Variants in LIMS1 observed in about 807,000 individuals in gnomAD.
LIMS1 encodes LIM zinc finger domain containing 1.
LIMS1 carries 18 observed loss-of-function variants against 44.1 expected under a neutral mutation model. The ratio of observed to expected loss-of-function variants is 0.41; its 90% CI spans 0.28 to 0.61. The LOEUF is 0.61. LIMS1 is among the 20% of genes least tolerant of loss of function. LIMS1 has a pLI of 0.32. For missense variants in LIMS1, 201 were observed against 422.0 expected (o/e 0.48, Z 4.59); for synonymous variants, 93 against 149.1 (o/e 0.62, Z 2.74).
intron 1 of LIMS1, among the ~76,000 whole-genome samples, chr2:108,563,951 G>A (rs1327350325): frequency 2.0e-5 from 3 of 150,418 alleles, no homozygotes; most frequent in African/African-American, 4.9e-5. Context: ...AGCTACTTGG[G>A]AGGCTGAGGT....
chr2:108,587,139 T>C (rs2577605), intron 1 of LIMS1, among the ~76,000 whole-genome samples: 150,916 of 152,240 alleles, frequency 0.99, 74,809 homozygotes, highest in Middle Eastern at 1. Context: ...TGGATGTGCT[T>C]TTCCACTCTT....
At chr2:108,575,339 T>C (rs780438264) in intron 1 of LIMS1, among the ~76,000 whole-genome samples, 1 of 152,216 alleles carries the variant, frequency 6.6e-6, no homozygotes, top group Non-Finnish European at 1.5e-5. Context: ...GCAAAAGAGT[T>C]AGCCAACGTG....
chr2:108,617,318 C>G (rs1318481357), intron 1 of LIMS1, among the ~76,000 whole-genome samples: 2 of 152,136 alleles, frequency 1.3e-5, no homozygotes, highest in Non-Finnish European at 2.9e-5. Context: ...AAAATCCAGG[C>G]TAATTTTTTA....
At chr2:108,538,861 A>G (rs1684224589) in intron 1 of LIMS1, among the ~76,000 whole-genome samples, 1 of 152,108 alleles carries the variant, frequency 6.6e-6, no homozygotes, top group African/African-American at 2.4e-5. Flanking sequence ...ACCAGTAAAT[A>G]CCAACTCCCC....
At chr2:108,681,450 G>A (rs1229052933) in intron 9 of LIMS1, 17 of 973,734 alleles carry the variant, frequency 1.7e-5, no homozygotes, top group Non-Finnish European at 1.5e-5. Flanking sequence ...TGGATTTAAA[G>A]GGAAGAATTC....
chr2:108,599,619 T>G (rs1290341125), intron 1 of LIMS1, among the ~76,000 whole-genome samples: 1 of 152,228 alleles, frequency 6.6e-6, no homozygotes, highest in African/African-American at 2.4e-5. Flanking sequence ...TTCACAGTGA[T>G]TGTACTCATT....
At chr2:108,628,877 A>G (rs867961583) in intron 1 of LIMS1, among the ~76,000 whole-genome samples, 2 of 152,212 alleles carry the variant, frequency 1.3e-5, no homozygotes, top group Non-Finnish European at 1.5e-5. Context: ...CAGTGGCACA[A>G]TCTTTGCTCC....
chr2:108,625,586 C>T (rs532570630), intron 1 of LIMS1, among the ~76,000 whole-genome samples: 76 of 151,786 alleles, frequency 5.0e-4, no homozygotes, highest in Non-Finnish European at 9.9e-4. Flanking sequence ...ATCCCCCCCC[C>T]CAAAAAAATG....
At chr2:108,549,279 C>CTTTTTTTTTTTTTTTTTTT (rs71381966) in intron 1 of LIMS1, among the ~76,000 whole-genome samples, 1 of 55,784 alleles carries the variant, frequency 1.8e-5, no homozygotes, top group Non-Finnish European at 3.1e-5. Flanking sequence ...TAAAGTGTTT[C>CTTTTTTTTTTTTTTTTTTT]TTTTTTTTTT....
At chr2:108,668,828 A>G (rs1309033864) in intron 2 of LIMS1, among the ~76,000 whole-genome samples, 2 of 152,274 alleles carry the variant, frequency 1.3e-5, no homozygotes, top group Non-Finnish European at 2.9e-5. Flanking sequence ...CATCAGAAAT[A>G]TATCGTGCTT....
intron 1 of LIMS1, among the ~76,000 whole-genome samples, chr2:108,628,675 A>G (rs1338641780): frequency 2.0e-5 from 3 of 152,184 alleles, no homozygotes; most frequent in Admixed American, 1.3e-4. Flanking sequence ...CATGTTGGCC[A>G]GGCTGGTCTC....
chr2:108,633,175 A>G (rs1395760184), intron 1 of LIMS1, among the ~76,000 whole-genome samples: 1 of 152,044 alleles, frequency 6.6e-6, no homozygotes, highest in Non-Finnish European at 1.5e-5. Context: ...AATTCTTACT[A>G]ATTGATTTGG....
At chr2:108,568,453 C>T (rs924696695) in intron 1 of LIMS1, among the ~76,000 whole-genome samples, 1 of 152,174 alleles carries the variant, frequency 6.6e-6, no homozygotes, top group African/African-American at 2.4e-5. Flanking sequence ...TGAGTTCTTC[C>T]ACATTTTGGC....
intron 1 of LIMS1, among the ~76,000 whole-genome samples, chr2:108,556,885 C>T (rs988099308): frequency 1.3e-5 from 2 of 152,230 alleles, no homozygotes; most frequent in Non-Finnish European, 2.9e-5. Context: ...TCGTTACCTA[C>T]TCCTCCCTGC....
chr2:108,577,305 G>A (rs892852404), intron 1 of LIMS1, among the ~76,000 whole-genome samples: 3 of 152,206 alleles, frequency 2.0e-5, no homozygotes, highest in South Asian at 2.1e-4. Context: ...TGATGAACCC[G>A]GTAAGGCCTA....
In LIMS1 at chr2:108,672,996, A is replaced by AC. The variant is rs762580856; in HGVS notation, c.499dup (p.His167ProfsTer32). The AC allele has an allele frequency of 3.7e-6, 5 of 1,343,978 alleles. No individual in the cohort carries two copies. Among genetic ancestry groups the AC allele is most frequent in the Non-Finnish European group, 5.1e-6 (5 of 982,890 alleles). The allele number at this position is 1,343,978 out of a possible 1,614,324, so 83.3% of individuals were successfully genotyped here. On this transcript the variant is annotated frameshift_variant, in exon 5 of 10. Transcript: ENST00000544547. LOFTEE classifies it high-confidence loss of function. ...CCTCTGATATTCAAGAACGACCCCT[A>AC]CCATCCAGACCATTTCAACTGCGCC...
intron 1 of LIMS1, among the ~76,000 whole-genome samples, chr2:108,613,980 C>A (rs1054892962): frequency 4.6e-5 from 7 of 152,180 alleles, no homozygotes; most frequent in African/African-American, 1.7e-4. Context: ...CCAGTGTCCC[C>A]TACTCGACTG....
chr2:108,589,147 G>C (rs1397769474), intron 1 of LIMS1, among the ~76,000 whole-genome samples: 1 of 151,452 alleles, frequency 6.6e-6, no homozygotes, highest in Non-Finnish European at 1.5e-5. Context: ...ACTAAGTAAG[G>C]AGTTACTCTT....
intron 1 of LIMS1, among the ~76,000 whole-genome samples, chr2:108,557,978 G>C (rs2104604705): frequency 6.6e-6 from 1 of 152,254 alleles, no homozygotes; most frequent in East Asian, 1.9e-4. Flanking sequence ...AATGTATGAA[G>C]GGGAAATTAT....
Sources: allele counts gnomAD v4.1 joint callset (sites outside exome capture counted in the v4.1 genomes callset), GRCh38; gene constraint gnomAD v4.1.1; transcripts MANE v1.5; gene names NCBI Gene and HGNC (gene_info 2026-07-23, HGNC 2026-07-21).